SPAG17: variants seen among roughly 807,000 people sequenced by gnomAD.
The protein encoded by SPAG17 is sperm-associated antigen 17.
A neutral mutation model predicts 273.6 loss-of-function variants in SPAG17; 169 were observed. The observed-to-expected ratio is 0.62, with a 90% CI of 0.55 to 0.70. The LOEUF is 0.70. Among genes scored for constraint, SPAG17 ranks in the 30% least tolerant of loss-of-function variants. SPAG17 has a pLI of 0.00. For missense variants in SPAG17, 2,557 were observed against 2,627.8 expected (o/e 0.97, Z 0.59); for synonymous variants, 825 against 873.2 (o/e 0.94, Z 0.97).
chr1:118,145,661 A>G (rs1658940868), intron 3 of SPAG17, among the ~76,000 whole-genome samples: 1 of 152,128 alleles, frequency 6.6e-6, no homozygotes, highest in Non-Finnish European at 1.5e-5. Flanking sequence ...TTTGTTAAAA[A>G]GTTATTTTAA....
chr1:118,184,504 C>T (rs567528444), intron 1 of SPAG17, among the ~76,000 whole-genome samples: 3 of 152,164 alleles, frequency 2.0e-5, no homozygotes, highest in Non-Finnish European at 4.4e-5. Flanking sequence ...CCCCTCATTG[C>T]TCTGATCTCC....
intron 20 of SPAG17, 38 bp downstream of exon 20, chr1:118,053,964 T>C (rs1651359946): frequency 6.8e-7 from 1 of 1,467,378 alleles, no homozygotes; most frequent in Admixed American, 1.8e-5. Flanking sequence ...AATACTTTAG[T>C]TTTGCCTGTT....
At chr1:117,965,448 A>G (rs1215753604) in intron 47 of SPAG17, 3 of 152,238 alleles carry the variant, frequency 2.0e-5, no homozygotes, top group African/African-American at 7.2e-5. Flanking sequence ...GAGATCTAAT[A>G]TTACATATAC....
intron 1 of SPAG17, among the ~76,000 whole-genome samples, chr1:118,164,369 AT>A (rs902492514): frequency 6.7e-6 from 1 of 150,042 alleles, no homozygotes; most frequent in African/African-American, 2.5e-5. Flanking sequence ...AAACCTCCCT[AT>A]CACAAACAAT....
chr1:117,956,684 A>ATAGTG (rs1652247317), intron 48 of SPAG17, among the ~76,000 whole-genome samples: 1 of 152,206 alleles, frequency 6.6e-6, no homozygotes, highest in South Asian at 2.1e-4. Context: ...CAAAATTAAA[A>ATAGTG]TAGTGTAGCA....
At chr1:117,991,035 T>G in intron 37 of SPAG17, 129 bp from the exon 38 acceptor site, 1 of 485,516 alleles carries the variant, frequency 2.1e-6, no homozygotes. Context: ...AATACTGATA[T>G]AAAATTAATT....
intron 18 of SPAG17, among the ~76,000 whole-genome samples, chr1:118,062,303 C>A (rs1652402076): frequency 7.4e-6 from 1 of 134,402 alleles, no homozygotes; most frequent in African/African-American, 2.8e-5. Flanking sequence ...GGAGGCGGAG[C>A]TTGCAGTGAG....
Position 118,005,420 on chromosome 1 carries a change from AG to A in SPAG17, c.4769del (p.Thr1590IlefsTer23). ...TACCAAAGGTGCACTTTACCTGAAAAGTGTTTCCCTCAGGATCCAGAACCTC... is the reference window on the plus strand; with the variant it reads ...TACCAAAGGTGCACTTTACCTGAAAATGTTTCCCTCAGGATCCAGAACCTC... ...ICEVLDPEGN[T>X]FQVMADGSIS... is the part of the protein sequence containing the mutation. On this transcript the variant is annotated frameshift_variant, in exon 32 of 49. Coordinates refer to ENST00000336338, the MANE Select transcript of SPAG17 (RefSeq NM_206996.4). LOFTEE classifies it high-confidence loss of function. The A allele has an allele frequency of 6.2e-7, 1 of 1,602,758 alleles. No homozygotes were observed. The highest frequency in any genetic ancestry group is 8.5e-7 in the Non-Finnish European group (1 of 1,175,362).
In SPAG17 at chr1:118,142,881, C is replaced by A. The variant is rs190521490; in HGVS notation, c.315+7662G>T. On this transcript the variant is annotated intron_variant, in intron 3 of 48. Transcript: ENST00000336338. Reference sequence around the variant, plus strand: ...GTAGGTACTCTGGAGATGAATTTACCTCTAATTAGTTTTAATTAGTGAGAT... The same window carrying A: ...GTAGGTACTCTGGAGATGAATTTACATCTAATTAGTTTTAATTAGTGAGAT... 2.8e-4 allele frequency among the ~76,000 whole-genome samples: 42 copies of A among 152,304 alleles called. 1 individual carries two copies. The East Asian group carries it at 6.4e-3, about 23-fold the overall frequency.
At chr1:118,061,933 G>T (rs1037890696) in intron 18 of SPAG17, among the ~76,000 whole-genome samples, 1 of 152,108 alleles carries the variant, frequency 6.6e-6, no homozygotes, top group Non-Finnish European at 1.5e-5. Context: ...ACAAAATTAG[G>T]TGGTTGAAAT....
intron 3 of SPAG17, among the ~76,000 whole-genome samples, chr1:118,131,020 C>T (rs1173028471): frequency 1.3e-5 from 2 of 152,162 alleles, no homozygotes; most frequent in Admixed American, 6.5e-5. Context: ...AGTCTTTTCT[C>T]TAGTGGACTC....
chr1:117,957,246 A>C (rs762297251), intron 48 of SPAG17: 8 of 1,573,728 alleles, frequency 5.1e-6, no homozygotes, highest in Non-Finnish European at 6.9e-6. Flanking sequence ...GAACTGCTTC[A>C]GTAGTACCTT....
chr1:118,147,340 A>G (rs933089972), intron 3 of SPAG17, among the ~76,000 whole-genome samples: 2 of 152,222 alleles, frequency 1.3e-5, no homozygotes, highest in African/African-American at 4.8e-5. Flanking sequence ...AAATGTGTCC[A>G]TATCCTCAAG....
intron 4 of SPAG17, among the ~76,000 whole-genome samples, chr1:118,108,289 G>C (rs1656534528): frequency 6.6e-6 from 1 of 152,162 alleles, no homozygotes; most frequent in African/African-American, 2.4e-5. Flanking sequence ...TGGTTTCAAA[G>C]TGAAATATCC....
At chr1:117,966,529 G>T in intron 47 of SPAG17, 80 bp downstream of exon 47, 1 of 1,228,076 alleles carries the variant, frequency 8.1e-7, no homozygotes, top group East Asian at 2.6e-5. Flanking sequence ...AAGTAGAGAT[G>T]CATTTTGACT....
At chr1:118,032,077 G>T (rs1648539597) in intron 24 of SPAG17, among the ~76,000 whole-genome samples, 1 of 152,068 alleles carries the variant, frequency 6.6e-6, no homozygotes, top group Non-Finnish European at 1.5e-5. Flanking sequence ...TTATTACTTG[G>T]ATATGCCTCA....
chr1:118,148,595 G>A (rs1447023609), intron 3 of SPAG17, among the ~76,000 whole-genome samples: 1 of 152,122 alleles, frequency 6.6e-6, no homozygotes, highest in African/African-American at 2.4e-5. Flanking sequence ...GCTAGACACA[G>A]AGCACTGATT....
chr1:118,104,442 C>T (rs1024447771), intron 4 of SPAG17, among the ~76,000 whole-genome samples: 2 of 152,206 alleles, frequency 1.3e-5, no homozygotes, highest in African/African-American at 4.8e-5. Context: ...TAGTTCAATA[C>T]ACACATTCTC....
At chr1:117,975,571 C>A (rs1416093857) in intron 43 of SPAG17, among the ~76,000 whole-genome samples, 2 of 152,152 alleles carry the variant, frequency 1.3e-5, no homozygotes, top group Non-Finnish European at 2.9e-5. Context: ...GTTGGAACCA[C>A]AAGGAACATG....
Sources: allele counts gnomAD v4.1 joint callset (sites outside exome capture counted in the v4.1 genomes callset), GRCh38; gene constraint gnomAD v4.1.1; transcripts MANE v1.5; gene names NCBI Gene and HGNC (gene_info 2026-07-23, HGNC 2026-07-21).